Variants in CRYBG1 observed in about 807,000 individuals in gnomAD.
The protein encoded by CRYBG1 is beta/gamma crystallin domain-containing protein 1.
In CRYBG1, 139 loss-of-function variants were observed where a neutral mutation model predicts 189.2. The observed-to-expected ratio is 0.73, with a 90% CI of 0.64 to 0.85. The LOEUF (loss-of-function observed/expected upper bound fraction) is 0.85. Ranked by LOEUF, CRYBG1 falls within the 40% of genes least tolerant of loss-of-function variation. The pLI, the probability that CRYBG1 is intolerant of heterozygous loss-of-function variation, is 0.00. For synonymous variants in CRYBG1, 1,023 were observed against 1,017.1 expected (o/e 1.01, Z -0.11); for missense variants, 2,611 against 2,675.8 (o/e 0.98, Z 0.53).
intron 1 of CRYBG1, among the ~76,000 whole-genome samples, chr6:106,428,748 T>C (rs1345605603): frequency 6.6e-6 from 1 of 152,114 alleles, no homozygotes. Flanking sequence ...ACAAAGAAAA[T>C]ATTTGGCATA....
At position 106,519,632 on chromosome 6, in the gene CRYBG1, G is replaced by A; in HGVS notation, c.2424G>A (p.Lys808=). 1 of 1,614,164 alleles carries A rather than the reference G, an allele frequency of 6.2e-7. No individual in the cohort carries two copies. The highest frequency in any genetic ancestry group is 8.5e-7 in the Non-Finnish European group (1 of 1,180,024). ...EPVASALIPV[K]DHKLLEKEDS... ...TGGCTTCTGCTCTGATTCCTGTCAA[G>A]GATCATAAGCTCTTAGAGAAGGAGG... The change falls in exon 4 of 22, where the codon AAG becomes AAA. Residue 808 remains lysine, a synonymous_variant. Coordinates refer to ENST00000633556, the MANE Select transcript of CRYBG1 (RefSeq NM_001371242.2).
At chr6:106,506,000 C>T (rs1773125136) in intron 2 of CRYBG1, among the ~76,000 whole-genome samples, 1 of 152,204 alleles carries the variant, frequency 6.6e-6, no homozygotes, top group African/African-American at 2.4e-5. Context: ...GTACATGTAA[C>T]AAGATTTTGT....
intron 2 of CRYBG1, among the ~76,000 whole-genome samples, chr6:106,489,603 G>A (rs1467611890): frequency 1.3e-5 from 2 of 151,290 alleles, no homozygotes; most frequent in East Asian, 1.9e-4. Context: ...TGGATCACCT[G>A]AGGTCAGGAG....
At chr6:106,558,755 G>T in intron 18 of CRYBG1, 130 bp downstream of exon 18, 1 of 719,314 alleles carries the variant, frequency 1.4e-6, no homozygotes, top group Non-Finnish European at 2.1e-6. Flanking sequence ...TTGAATCCAG[G>T]GATTCAAGAA....
At chr6:106,394,527 A>C (rs554592944) in intron 1 of CRYBG1, among the ~76,000 whole-genome samples, 1 of 152,366 alleles carries the variant, frequency 6.6e-6, no homozygotes, top group African/African-American at 2.4e-5. Context: ...CTGAATTCTA[A>C]GTAAACCGAA....
intron 1 of CRYBG1, among the ~76,000 whole-genome samples, chr6:106,395,466 A>T (rs140674996): frequency 1.3e-4 from 20 of 151,874 alleles, no homozygotes; most frequent in African/African-American, 4.8e-4. Flanking sequence ...CTTTTTTAAC[A>T]TATATTCGTT....
intron 3 of CRYBG1, among the ~76,000 whole-genome samples, chr6:106,517,250 A>G (rs1773444242): frequency 1.3e-5 from 2 of 149,192 alleles, no homozygotes; most frequent in Middle Eastern, 3.4e-3. Flanking sequence ...GGCTCAAGCA[A>G]TCCTCCCTCC....
rs536922379 is a variant in CRYBG1 at position 106,558,036 on chromosome 6, T to C, written c.5716-450T>C. On this transcript the variant is annotated intron_variant, in intron 17 of 21. Transcript: ENST00000633556. ...CAGAAAAAAAAAAGACATTTGAAAA[T>C]ACATACAAGAGGAAGGTTCCCTGAT... is the stretch of plus-strand genomic sequence containing the variant. Among the ~76,000 whole-genome samples the C allele has an allele frequency of 2.0e-5, 3 of 151,676 alleles. No individual in the cohort carries two copies. The East Asian group carries it at 5.8e-4, about 29-fold the overall frequency.
intron 1 of CRYBG1, among the ~76,000 whole-genome samples, chr6:106,386,976 G>A (rs975169438): frequency 3.3e-5 from 5 of 152,156 alleles, no homozygotes; most frequent in Admixed American, 6.5e-5. Context: ...ACAATAGCTC[G>A]TATTTCATCT....
chr6:106,532,756 G>T (rs1180744870), intron 8 of CRYBG1, among the ~76,000 whole-genome samples: 1 of 151,978 alleles, frequency 6.6e-6, no homozygotes, highest in Non-Finnish European at 1.5e-5. Context: ...ATATCATTTG[G>T]TACCCCGTAG....
intron 20 of CRYBG1, 119 bp from the exon 21 acceptor site, chr6:106,563,644 TG>T: frequency 1.0e-6 from 1 of 983,174 alleles, no homozygotes; most frequent in Non-Finnish European, 1.5e-6. Context: ...CTGCCTCATG[TG>T]GGGTAAATGA....
chr6:106,449,592 C>A (rs1020248304), intron 1 of CRYBG1: 4 of 152,154 alleles, frequency 2.6e-5, no homozygotes, highest in African/African-American at 7.2e-5. Flanking sequence ...GGTACTGGAA[C>A]AATTAATAAA....
chr6:106,570,894 CAA>C lies in CRYBG1; in HGVS notation c.*2331_*2332del, dbSNP rs1226614372. On this transcript the variant is annotated 3_prime_UTR_variant, in exon 22 of 22. Coordinates refer to ENST00000633556, the MANE Select transcript of CRYBG1 (RefSeq NM_001371242.2). ...CAGAAATCTCAAAACAGGTCTACAT[CAA>C]AAGTTACAAGCAAGCATATCAGGTG... is the stretch of plus-strand genomic sequence containing the variant. 6.6e-6 allele frequency: 1 copy of C among 152,096 alleles called. No individual in the cohort carries two copies. The highest frequency in any genetic ancestry group is 1.9e-4 in the East Asian group (1 of 5,192). 9.4% of individuals were successfully genotyped at this position (152,096 alleles called of 1,614,324 possible).
At chr6:106,475,610 T>G (rs1201826995) in intron 2 of CRYBG1, among the ~76,000 whole-genome samples, 1 of 152,130 alleles carries the variant, frequency 6.6e-6, no homozygotes, top group African/African-American at 2.4e-5. Context: ...TCTGTGCGGG[T>G]ACATAAAAGC....
intron 1 of CRYBG1, among the ~76,000 whole-genome samples, chr6:106,374,843 T>G (rs1582727552): frequency 6.6e-6 from 1 of 152,320 alleles, no homozygotes; most frequent in African/African-American, 2.4e-5. Flanking sequence ...CTGATATATA[T>G]ACTCAGTTCT....
At chr6:106,517,341 T>TACACAC (rs200196517) in intron 3 of CRYBG1, among the ~76,000 whole-genome samples, 3 of 141,018 alleles carry the variant, frequency 2.1e-5, no homozygotes, top group African/African-American at 8.2e-5. Flanking sequence ...CATATATATA[T>TACACAC]ACACACACAT....
Position 106,537,134 on chromosome 6 carries a change from AC to A in CRYBG1, c.4719-2268del, listed in dbSNP as rs769972831. On this transcript the variant is annotated intron_variant, in intron 8 of 21. Transcript: ENST00000633556. ...ACTTTCCTTCCATGAATGTTATGCA[AC>A]TAAACCACATGCTTCAACAGAAGTG... is the stretch of plus-strand genomic sequence containing the variant. 1.1e-4 allele frequency among the ~76,000 whole-genome samples: 17 copies of A among 152,330 alleles called. No homozygotes were observed. The Middle Eastern group carries it at 0.01, about 91-fold the overall frequency.
chr6:106,412,943 TAAA>T (rs565658964), intron 1 of CRYBG1, among the ~76,000 whole-genome samples: 6 of 118,840 alleles, frequency 5.0e-5, no homozygotes, highest in South Asian at 2.8e-4. Flanking sequence ...ACAAATTCTT[TAAA>T]AAAAAAAAAA....
chr6:106,390,107 TTTAA>T (rs1770472818), intron 1 of CRYBG1, among the ~76,000 whole-genome samples: 2 of 152,164 alleles, frequency 1.3e-5, no homozygotes, highest in South Asian at 2.1e-4. Context: ...AGGCTTACAG[TTTAA>T]TTAATTTTAT....
Sources: allele counts gnomAD v4.1 joint callset (sites outside exome capture counted in the v4.1 genomes callset), GRCh38; gene constraint gnomAD v4.1.1; transcripts MANE v1.5; gene names NCBI Gene and HGNC (gene_info 2026-07-23, HGNC 2026-07-21).